ZFHX3: variants seen among roughly 807,000 people sequenced by gnomAD.
The protein encoded by ZFHX3 is zinc finger homeobox protein 3.
ZFHX3 carries 42 observed loss-of-function variants against 279.1 expected under a neutral mutation model. The observed-to-expected ratio is 0.15, with a 90% CI of 0.12 to 0.19. The LOEUF (loss-of-function observed/expected upper bound fraction) is 0.19. Among genes scored for constraint, ZFHX3 ranks in the 10% least tolerant of loss-of-function variants. The pLI is 1.00. For missense variants in ZFHX3, 4,981 were observed against 4,754.0 expected (o/e 1.05, Z -1.40); for synonymous variants, 2,293 against 1,957.8 (o/e 1.17, Z -4.52).
intron 2 of ZFHX3, among the ~76,000 whole-genome samples, chr16:73,497,746 T>G: frequency 6.6e-6 from 1 of 152,120 alleles, no homozygotes; most frequent in East Asian, 1.9e-4. Context: ...GGACCAAAGG[T>G]TGAAACGCTC....
chr16:73,457,734 C>T (rs2143573834), intron 2 of ZFHX3, among the ~76,000 whole-genome samples: 1 of 152,324 alleles, frequency 6.6e-6, no homozygotes, highest in East Asian at 1.9e-4. Flanking sequence ...GAGATTGCAC[C>T]ACTGCACTCC....
chr16:72,832,284 G>A (rs1279915628), intron 4 of ZFHX3, among the ~76,000 whole-genome samples: 2 of 152,090 alleles, frequency 1.3e-5, no homozygotes, highest in Admixed American at 6.5e-5. Context: ...ACTAGAGACT[G>A]TAATGTATAA....
At chr16:73,559,188 C>T (rs781158971) in intron 2 of ZFHX3, among the ~76,000 whole-genome samples, 4 of 152,096 alleles carry the variant, frequency 2.6e-5, no homozygotes, top group Non-Finnish European at 5.9e-5. Flanking sequence ...GCTAAGACTA[C>T]AGACACATAC....
chr16:73,300,616 G>A lies in ZFHX3; in HGVS notation c.-1194+17624C>T, dbSNP rs977350739. On this transcript the variant is annotated intron_variant, in intron 4 of 17. Transcript: ENST00000641206. Reference sequence around the variant, plus strand: ...CTCCCCAGGTTCAGGTGATGCTCATGCCTCAGCCTCCCGCGAAGCTGGGAT... The same window carrying A: ...CTCCCCAGGTTCAGGTGATGCTCATACCTCAGCCTCCCGCGAAGCTGGGAT... Among the ~76,000 whole-genome samples, 22 of 152,174 alleles carry A rather than the reference G, an allele frequency of 1.4e-4. 1 individual carries two copies. The highest frequency in any genetic ancestry group is 3.1e-4 in the Non-Finnish European group (21 of 68,040).
At chr16:73,843,160 G>T (rs9923645) in intron 1 of ZFHX3, among the ~76,000 whole-genome samples, 1 of 152,186 alleles carries the variant, frequency 6.6e-6, no homozygotes, top group South Asian at 2.1e-4. Flanking sequence ...TAACTGGCAC[G>T]AAGTGAAGTT....
intron 5 of ZFHX3, among the ~76,000 whole-genome samples, chr16:73,192,858 G>A (rs951767143): frequency 6.6e-6 from 1 of 152,084 alleles, no homozygotes; most frequent in South Asian, 2.1e-4. Context: ...TTGGGCGATC[G>A]ACTGGCCCAA....
intron 2 of ZFHX3, among the ~76,000 whole-genome samples, chr16:73,655,997 ATAAATG>A (rs1305239842): frequency 6.6e-6 from 1 of 152,250 alleles, no homozygotes; most frequent in Non-Finnish European, 1.5e-5. Flanking sequence ...AAATATGTAA[ATAAATG>A]TTGGTGTAAT....
chr16:73,630,480 G>C (rs2052458184), intron 2 of ZFHX3, among the ~76,000 whole-genome samples: 1 of 152,184 alleles, frequency 6.6e-6, no homozygotes. Context: ...AATGATTTCA[G>C]GTGCTGCTCA....
chr16:73,074,598 G>A (rs1390061853), intron 8 of ZFHX3, among the ~76,000 whole-genome samples: 1 of 151,372 alleles, frequency 6.6e-6, no homozygotes, highest in Non-Finnish European at 1.5e-5. Context: ...CAATGATGAC[G>A]ACAATGATGA....
At chr16:73,013,625 C>T (rs774811178) in intron 1 of ZFHX3, among the ~76,000 whole-genome samples, 6 of 152,104 alleles carry the variant, frequency 3.9e-5, no homozygotes, top group Non-Finnish European at 8.8e-5. Flanking sequence ...ATTTTTCTCT[C>T]AAGTATGACT....
At chr16:72,902,456 T>A (rs972521091) in intron 3 of ZFHX3, among the ~76,000 whole-genome samples, 1 of 152,166 alleles carries the variant, frequency 6.6e-6, no homozygotes, top group East Asian at 1.9e-4. Flanking sequence ...ATGGCCCTGA[T>A]AAACAGATCA....
intron 2 of ZFHX3, among the ~76,000 whole-genome samples, chr16:73,566,319 C>G (rs1212951374): frequency 6.6e-6 from 1 of 152,212 alleles, no homozygotes; most frequent in East Asian, 1.9e-4. Flanking sequence ...ACATTTCTGG[C>G]TGTATGAGTT....
At chr16:73,434,133 G>A (rs950729231) in intron 3 of ZFHX3, among the ~76,000 whole-genome samples, 2 of 152,170 alleles carry the variant, frequency 1.3e-5, no homozygotes, top group Non-Finnish European at 2.9e-5. Context: ...TTCAGAATAC[G>A]GGGAGGCCCA....
intron 2 of ZFHX3, among the ~76,000 whole-genome samples, chr16:73,618,988 G>C (rs1395156230): frequency 1.3e-5 from 2 of 152,042 alleles, no homozygotes; most frequent in Non-Finnish European, 2.9e-5. Context: ...GAGGGAGGTG[G>C]AAAGAAGAGC....
intron 2 of ZFHX3, among the ~76,000 whole-genome samples, chr16:73,613,552 G>C (rs994991818): frequency 1.3e-5 from 2 of 151,980 alleles, no homozygotes; most frequent in African/African-American, 4.8e-5. Context: ...GTTGTGATTT[G>C]CTCTTTTTGA....
chr16:73,875,739 G>A (rs2029926180), intron 1 of ZFHX3, among the ~76,000 whole-genome samples: 2 of 152,108 alleles, frequency 1.3e-5, no homozygotes, highest in African/African-American at 4.8e-5. Flanking sequence ...AAAGCATGAT[G>A]AACCGGATTG....
At chr16:73,037,550 T>C (rs2144692475) in intron 1 of ZFHX3, among the ~76,000 whole-genome samples, 1 of 152,272 alleles carries the variant, frequency 6.6e-6, no homozygotes, top group East Asian at 1.9e-4. Context: ...ACCTGGGGCT[T>C]GGAGCTATAT....
intron 1 of ZFHX3, among the ~76,000 whole-genome samples, chr16:73,753,990 G>GTGTGTGTGTGTGTGTGTC (rs1042416859): frequency 6.6e-6 from 1 of 151,806 alleles, no homozygotes; most frequent in African/African-American, 2.4e-5. Context: ...GAATCAATGT[G>GTGTGTGTGTGTGTGTGTC]TGTGTGTGTG....
intron 1 of ZFHX3, among the ~76,000 whole-genome samples, chr16:73,794,995 T>C (rs1026455402): frequency 6.6e-6 from 1 of 152,128 alleles, no homozygotes; most frequent in African/African-American, 2.4e-5. Flanking sequence ...CCAGGACTGG[T>C]TGGCTGCACT....
Sources: allele counts gnomAD v4.1 joint callset (sites outside exome capture counted in the v4.1 genomes callset), GRCh38; gene constraint gnomAD v4.1.1; transcripts MANE v1.5; gene names NCBI Gene and HGNC (gene_info 2026-07-23, HGNC 2026-07-21).